KCNMA1: variants seen among roughly 807,000 people sequenced by gnomAD.
KCNMA1 encodes Calcium-activated potassium channel subunit alpha-1.
In KCNMA1, 29 loss-of-function variants were observed where a neutral mutation model predicts 140.0. That is an observed-to-expected ratio of 0.21 (90% CI 0.15 to 0.28). The LOEUF (loss-of-function observed/expected upper bound fraction) is 0.28. Among genes scored for constraint, KCNMA1 ranks in the 10% least tolerant of loss-of-function variants. The pLI, the probability that KCNMA1 is intolerant of heterozygous loss-of-function variation, is 1.00. For synonymous variants in KCNMA1, 612 were observed against 611.9 expected (o/e 1.00, Z 0.00); for missense variants, 880 against 1,602.2 (o/e 0.55, Z 7.70).
chr10:76,899,926 A>G (rs2044346645), intron 25 of KCNMA1, among the ~76,000 whole-genome samples: 1 of 152,102 alleles, frequency 6.6e-6, no homozygotes, highest in Non-Finnish European at 1.5e-5. Context: ...CATGAATCAC[A>G]ATTCATGTTA....
intron 14 of KCNMA1, among the ~76,000 whole-genome samples, chr10:77,048,384 A>G (rs948070262): frequency 1.3e-5 from 2 of 152,160 alleles, no homozygotes; most frequent in Non-Finnish European, 2.9e-5. Context: ...TAAAAATCTG[A>G]CTTCCCATAA....
intron 1 of KCNMA1, 107 bp downstream of exon 1, chr10:77,637,158 G>T (rs1312707651): frequency 8.0e-7 from 1 of 1,253,656 alleles, no homozygotes; most frequent in Non-Finnish European, 1.1e-6. Flanking sequence ...AAGGCAGGCG[G>T]GGATGGAGGG....
intron 1 of KCNMA1, among the ~76,000 whole-genome samples, chr10:77,530,839 A>C (rs940503858): frequency 6.6e-6 from 1 of 152,162 alleles, no homozygotes; most frequent in South Asian, 2.1e-4. Context: ...AATTGTCTCG[A>C]TTTTTTCAAA....
intron 2 of KCNMA1, among the ~76,000 whole-genome samples, chr10:77,388,793 G>A (rs972357239): frequency 7.9e-5 from 12 of 152,200 alleles, no homozygotes; most frequent in African/African-American, 2.6e-4. Flanking sequence ...CTCAGCCCCG[G>A]GAAGAGGAAT....
intron 2 of KCNMA1, among the ~76,000 whole-genome samples, chr10:77,281,555 C>T (rs913488847): frequency 1.3e-5 from 2 of 151,988 alleles, no homozygotes; most frequent in Non-Finnish European, 2.9e-5. Flanking sequence ...GGGCTGTGTC[C>T]GGGCTGACTT....
intron 3 of KCNMA1, among the ~76,000 whole-genome samples, chr10:77,196,047 C>T (rs772133191): frequency 3.3e-5 from 5 of 152,134 alleles, no homozygotes; most frequent in Non-Finnish European, 7.4e-5. Context: ...GAATTACCTG[C>T]TCAGTGGGGT....
chr10:77,433,899 G>A (rs2097202032), intron 1 of KCNMA1: 1 of 152,310 alleles, frequency 6.6e-6, no homozygotes, highest in Admixed American at 6.5e-5. Flanking sequence ...CCAAGGGACT[G>A]TATCATAATA....
At chr10:77,380,051 C>T (rs1174789324) in intron 2 of KCNMA1, among the ~76,000 whole-genome samples, 1 of 152,100 alleles carries the variant, frequency 6.6e-6, no homozygotes, top group African/African-American at 2.4e-5. Context: ...TTCATAAACA[C>T]TAGTGTTCAT....
intron 12 of KCNMA1, among the ~76,000 whole-genome samples, chr10:77,083,093 G>A (rs778043815): frequency 6.6e-6 from 1 of 152,132 alleles, no homozygotes; most frequent in Admixed American, 6.5e-5. Flanking sequence ...CCGGTAGAGG[G>A]GGAACCTTCG....
rs1159442532 is a variant in KCNMA1 at position 77,084,200 on chromosome 10, C to T, written c.1523+437G>A. On this transcript the variant is annotated intron_variant, in intron 12 of 27. Coordinates refer to ENST00000286628, the MANE Select transcript of KCNMA1 (RefSeq NM_001161352.2). ...GTCCCTGGGCTCTACCTATCAGATG[C>T]CAGCAGCACGGTCCCCTAGTTGTGA... Among the ~76,000 whole-genome samples the T allele has an allele frequency of 2.0e-5, 3 of 152,124 alleles. No individual in the cohort carries two copies. The East Asian group carries it at 5.8e-4, about 29-fold the overall frequency.
intron 2 of KCNMA1, among the ~76,000 whole-genome samples, chr10:77,341,750 C>T (rs923429818): frequency 2.0e-5 from 3 of 152,240 alleles, no homozygotes; most frequent in African/African-American, 7.2e-5. Flanking sequence ...TCATGACTGG[C>T]TTTAGCAGCT....
chr10:77,065,254 G>A (rs1016521058), intron 14 of KCNMA1, among the ~76,000 whole-genome samples: 9 of 152,138 alleles, frequency 5.9e-5, no homozygotes, highest in South Asian at 2.1e-4. Context: ...AGAGTGCCAC[G>A]GGAAAAAACA....
intron 2 of KCNMA1, among the ~76,000 whole-genome samples, chr10:77,305,289 A>G (rs1462988694): frequency 6.6e-6 from 1 of 152,198 alleles, no homozygotes; most frequent in Non-Finnish European, 1.5e-5. Flanking sequence ...CAATCGTCAT[A>G]GTCATTTTAT....
intron 3 of KCNMA1, among the ~76,000 whole-genome samples, chr10:77,218,529 C>T (rs2154185558): frequency 6.6e-6 from 1 of 152,274 alleles, no homozygotes; most frequent in South Asian, 2.1e-4. Context: ...GGCATTTTCA[C>T]TTGCACCCCA....
At chr10:77,147,014 G>C (rs1451029949) in intron 5 of KCNMA1, among the ~76,000 whole-genome samples, 2 of 152,292 alleles carry the variant, frequency 1.3e-5, no homozygotes, top group East Asian at 3.9e-4. Context: ...CATGGCAGAG[G>C]GGGCCAGGCA....
intron 1 of KCNMA1, among the ~76,000 whole-genome samples, chr10:77,549,146 C>T: frequency 6.6e-6 from 1 of 152,152 alleles, no homozygotes; most frequent in East Asian, 1.9e-4. Context: ...CACAGAGAGT[C>T]CTCAACACTG....
intron 1 of KCNMA1, among the ~76,000 whole-genome samples, chr10:77,477,497 A>G (rs1244206294): frequency 1.3e-5 from 2 of 152,222 alleles, no homozygotes; most frequent in Non-Finnish European, 2.9e-5. Flanking sequence ...TTCCAGGAGC[A>G]AATGAACCCC....
At chr10:77,485,115 A>G (rs2098445628) in intron 1 of KCNMA1, among the ~76,000 whole-genome samples, 1 of 152,164 alleles carries the variant, frequency 6.6e-6, no homozygotes, top group Non-Finnish European at 1.5e-5. Context: ...CCACCTCATG[A>G]TCATTAAAAT....
At position 76,903,043 on chromosome 10, in the gene KCNMA1, G is replaced by A. The variant is rs1009207107; in HGVS notation, c.3147+6923C>T. ...TAAAGTTTGATGATTCTCAGGTCCT[G>A]TAAAAGGACACTGAGGAAACCATGA... On this transcript the variant is annotated intron_variant, in intron 25 of 27. Transcript: ENST00000286628. 4 of 152,228 alleles carry A rather than the reference G, an allele frequency of 2.6e-5. No individual in the cohort carries two copies. The East Asian group carries it at 5.8e-4, about 22-fold the overall frequency. 9.4% of individuals were successfully genotyped at this position (152,228 alleles called of 1,614,324 possible).
Sources: allele counts gnomAD v4.1 joint callset (sites outside exome capture counted in the v4.1 genomes callset), GRCh38; gene constraint gnomAD v4.1.1; transcripts MANE v1.5; gene names NCBI Gene and HGNC (gene_info 2026-07-23, HGNC 2026-07-21).